Variants in C10orf90 observed in about 807,000 individuals in gnomAD.
The protein encoded by C10orf90 is chromosome 10 open reading frame 90, also known as (E2-independent) E3 ubiquitin-conjugating enzyme FATS.
A neutral mutation model predicts 62.5 loss-of-function variants in C10orf90; 56 were observed. That is an observed-to-expected ratio of 0.90 (90% CI 0.72 to 1.12). The LOEUF is 1.12. Ranked by LOEUF, C10orf90 falls within the 50% of genes most tolerant of loss-of-function variation. The pLI, the probability that C10orf90 is intolerant of heterozygous loss-of-function variation, is 0.00. For missense variants in C10orf90, 970 were observed against 880.4 expected, an observed-to-expected ratio of 1.10 and a Z score of -1.29; for synonymous variants, 386 against 340.4, an observed-to-expected ratio of 1.13 and a Z score of -1.47.
At chr10:126,645,788 T>C (rs1251487147) in intron 2 of C10orf90, among the ~76,000 whole-genome samples, 2 of 152,188 alleles carry the variant, frequency 1.3e-5, no homozygotes, top group East Asian at 1.9e-4. Flanking sequence ...TGTGCGTACA[T>C]GTATACATAC....
intron 4 of C10orf90, among the ~76,000 whole-genome samples, chr10:126,485,890 T>G (rs1246361221): frequency 1.3e-5 from 2 of 150,330 alleles, no homozygotes; most frequent in African/African-American, 4.9e-5. Flanking sequence ...GAGCTTGCAG[T>G]GAGGCGAGTT....
At chr10:126,515,168 A>G (rs1231694979) in intron 2 of C10orf90, among the ~76,000 whole-genome samples, 1 of 152,222 alleles carries the variant, frequency 6.6e-6, no homozygotes, top group African/African-American at 2.4e-5. Flanking sequence ...ATAAGATTAT[A>G]ATGGAGCTGA....
chr10:126,555,904 C>G (rs141005193), intron 2 of C10orf90, among the ~76,000 whole-genome samples: 1 of 151,978 alleles, frequency 6.6e-6, no homozygotes, highest in African/African-American at 2.4e-5. Context: ...GACTATACTC[C>G]GCAAAGATAT....
intron 7 of C10orf90, among the ~76,000 whole-genome samples, chr10:126,431,497 A>G (rs1412131958): frequency 1.3e-5 from 2 of 152,198 alleles, no homozygotes; most frequent in African/African-American, 4.8e-5. Context: ...AAACATCCCA[A>G]TGGCATTTCC....
intron 8 of C10orf90, among the ~76,000 whole-genome samples, chr10:126,427,406 G>T (rs181765386): frequency 2.0e-5 from 3 of 152,286 alleles, no homozygotes; most frequent in Admixed American, 2.0e-4. Context: ...CAACTTGATT[G>T]AATTGAAGGA....
At chr10:126,494,866 C>T (rs1376750116) in intron 4 of C10orf90, among the ~76,000 whole-genome samples, 1 of 152,200 alleles carries the variant, frequency 6.6e-6, no homozygotes, top group South Asian at 2.1e-4. Flanking sequence ...GGTTGTGTTC[C>T]CTGCAAAGAG....
intron 2 of C10orf90, among the ~76,000 whole-genome samples, chr10:126,528,537 T>C (rs1252575790): frequency 1.3e-5 from 2 of 152,314 alleles, no homozygotes; most frequent in African/African-American, 4.8e-5. Flanking sequence ...TAAATGAAGT[T>C]CTGAGATCAT....
intron 4 of C10orf90, among the ~76,000 whole-genome samples, chr10:126,480,664 C>T (rs1039170016): frequency 6.6e-6 from 1 of 152,236 alleles, no homozygotes; most frequent in African/African-American, 2.4e-5. Context: ...CATCACATCC[C>T]TTAGTTCAAT....
intron 4 of C10orf90, among the ~76,000 whole-genome samples, chr10:126,465,495 C>T (rs1303885669): frequency 6.6e-6 from 1 of 151,752 alleles, no homozygotes; most frequent in Non-Finnish European, 1.5e-5. Context: ...GTAATGTTAT[C>T]ATGAAATAGT....
chr10:126,576,753 TAGA>T (rs1396167428), intron 2 of C10orf90, among the ~76,000 whole-genome samples: 1,837 of 63,494 alleles, frequency 0.029, 21 homozygotes, highest in African/African-American at 0.061. Context: ...TATATACATA[TAGA>T]TAATATGTAT....
Position 126,461,481 on chromosome 10 carries a change from G to C in C10orf90, c.1930C>G (p.Arg644Gly). ...PSPAAPSPAP[R>G]DGAGSPGLSE... is the part of the protein sequence containing the mutation. The stretch of plus-strand genomic sequence containing the variant: ...AGGCCAGGGCTCCCTGCTCCATCGC[G>C]GGGTGCTGGCGAGGGTGCTGCTGGG... The change falls in exon 6 of 10, where the codon CGC becomes GGC. Residue 644 changes from arginine (R) to glycine (G), a missense_variant. Physicochemically the swap from Arg to Gly is moderately radical, Grantham distance 125. Transcript: ENST00000488181. 6.2e-7 allele frequency: 1 copy of C among 1,614,098 alleles called. No individual in the cohort carries two copies. The highest frequency in any genetic ancestry group is 1.1e-5 in the South Asian group (1 of 91,072).
chr10:126,443,393 C>T lies in C10orf90; in HGVS notation c.2189-13543G>A, dbSNP rs557639776. On this transcript the variant is annotated intron_variant, in intron 7 of 9. Transcript: ENST00000488181. ...TTCAAGGCTACAATGAACACCTTTA[C>T]GTGTATAAACTAGAAAACACAGAAG... is the stretch of plus-strand genomic sequence containing the variant. 1.4e-3 allele frequency among the ~76,000 whole-genome samples: 219 copies of T among 152,068 alleles called. 1 individual carries two copies. The highest frequency in any genetic ancestry group is 5.0e-3 in the African/African-American group (206 of 41,524).
chr10:126,584,617 C>G lies in C10orf90; in HGVS notation c.313+61948G>C, dbSNP rs191599161. Among the ~76,000 whole-genome samples, 33 of 152,260 alleles carry G rather than the reference C, an allele frequency of 2.2e-4. No homozygotes were observed. In the East Asian group the frequency reaches 5.6e-3, roughly 26 times the overall value. ...TCCCATTCAGGAGAGATGTACTTTG[C>G]TCACGTGTGCCCATGTTTTGCCCCT... On this transcript the variant is annotated intron_variant, in intron 2 of 9. Transcript: ENST00000488181.
At chr10:126,577,420 A>T (rs544851361) in intron 2 of C10orf90, among the ~76,000 whole-genome samples, 2 of 151,996 alleles carry the variant, frequency 1.3e-5, no homozygotes, top group Admixed American at 6.6e-5. Flanking sequence ...CAAAAAAAAA[A>T]TCTTATTTTA....
chr10:126,484,355 T>C (rs984886842), intron 4 of C10orf90, among the ~76,000 whole-genome samples: 17 of 152,148 alleles, frequency 1.1e-4, no homozygotes, highest in Non-Finnish European at 2.4e-4. Context: ...CCGACTCAAA[T>C]GGTACAAGTT....
At chr10:126,565,343 A>ATATATTATATATTTATATTATATAT (rs1844346339) in intron 2 of C10orf90, among the ~76,000 whole-genome samples, 1 of 20,776 alleles carries the variant, frequency 4.8e-5, no homozygotes, top group South Asian at 8.9e-4. Flanking sequence ...ATTATATATA[A>ATATATTATATATTTATATTATATAT]TATATAATAT....
At chr10:126,564,004 C>G (rs1844237160) in intron 2 of C10orf90, among the ~76,000 whole-genome samples, 1 of 152,148 alleles carries the variant, frequency 6.6e-6, no homozygotes, top group African/African-American at 2.4e-5. Flanking sequence ...TTAGCAGCAT[C>G]CGTGGCCTCC....
At chr10:126,619,696 G>A (rs796618522) in intron 2 of C10orf90, among the ~76,000 whole-genome samples, 24 of 152,272 alleles carry the variant, frequency 1.6e-4, no homozygotes, top group African/African-American at 5.8e-4. Flanking sequence ...TTGGAGCACA[G>A]TGGTGCAATC....
At chr10:126,427,826 C>T (rs536659001) in intron 8 of C10orf90, among the ~76,000 whole-genome samples, 4 of 152,272 alleles carry the variant, frequency 2.6e-5, no homozygotes, top group East Asian at 3.9e-4. Context: ...CCCCAGCTTG[C>T]GTATCATGGG....
Sources: gnomAD v4.1 joint callset for allele counts (sites outside exome capture counted in the v4.1 genomes callset) on GRCh38, gnomAD v4.1.1 for gene constraint, MANE v1.5 for transcripts, NCBI Gene and HGNC (gene_info 2026-07-23, HGNC 2026-07-21) for gene names.